Variants in XPNPEP1 observed in about 807,000 individuals in gnomAD.
XPNPEP1 encodes the protein X-prolyl aminopeptidase 1, also known as xaa-Pro aminopeptidase 1.
Under a neutral mutation model 92.4 loss-of-function variants are expected in XPNPEP1, and 39 were observed. The ratio of observed to expected loss-of-function variants is 0.42; its 90% CI spans 0.33 to 0.55. XPNPEP1 has a LOEUF of 0.55. XPNPEP1 is among the 20% of genes least tolerant of loss of function. XPNPEP1 has a pLI of 0.08. For missense variants in XPNPEP1, 654 were observed against 856.1 expected (o/e 0.76, Z 2.95); for synonymous variants, 307 against 299.4 (o/e 1.03, Z -0.26).
intron 8 of XPNPEP1, among the ~76,000 whole-genome samples, chr10:109,885,436 G>A (rs1024539861): frequency 2.0e-5 from 3 of 151,862 alleles, no homozygotes; most frequent in African/African-American, 4.8e-5. Flanking sequence ...TCTATCATGG[G>A]ATTGTGTTTT....
chr10:109,903,236 CT>C (rs757521813), intron 3 of XPNPEP1, among the ~76,000 whole-genome samples: 6 of 152,314 alleles, frequency 3.9e-5, no homozygotes, highest in South Asian at 2.1e-4. Context: ...ACCTTCAACT[CT>C]TAATTCAAGT....
chr10:109,874,444 A>G (rs556194518), intron 15 of XPNPEP1, among the ~76,000 whole-genome samples: 7 of 152,260 alleles, frequency 4.6e-5, no homozygotes, highest in Non-Finnish European at 1.0e-4. Flanking sequence ...TCCCTGACAT[A>G]GAAAGGATAA....
At chr10:109,873,703 T>A (rs2133367899) in intron 15 of XPNPEP1, 1 of 450,520 alleles carries the variant, frequency 2.2e-6, no homozygotes, top group East Asian at 3.8e-5. Flanking sequence ...ACATTATTCA[T>A]AATAGCCAGA....
intron 2 of XPNPEP1, among the ~76,000 whole-genome samples, chr10:109,909,890 C>T (rs1250875903): frequency 2.0e-5 from 3 of 152,170 alleles, no homozygotes; most frequent in Non-Finnish European, 4.4e-5. Context: ...AGCCCCCTGC[C>T]ACTATCTGCA....
chr10:109,897,807 C>T (rs909696661), intron 3 of XPNPEP1, among the ~76,000 whole-genome samples: 4 of 152,138 alleles, frequency 2.6e-5, no homozygotes, highest in African/African-American at 7.2e-5. Context: ...GCGCCCACCA[C>T]CACACCCAGC....
chr10:109,918,807 A>G (rs1346609855), intron 1 of XPNPEP1, among the ~76,000 whole-genome samples: 17 of 145,720 alleles, frequency 1.2e-4, no homozygotes, highest in African/African-American at 3.5e-4. Flanking sequence ...AGAGGAAGGA[A>G]AGGAAAGAAA....
At chr10:109,913,848 A>G (rs1006643885) in intron 2 of XPNPEP1, among the ~76,000 whole-genome samples, 1 of 152,228 alleles carries the variant, frequency 6.6e-6, no homozygotes, top group Non-Finnish European at 1.5e-5. Flanking sequence ...AAAAAGAAAA[A>G]GAAGTTATCT....
chr10:109,874,180 C>T (rs1403206202), intron 15 of XPNPEP1, among the ~76,000 whole-genome samples: 1 of 152,160 alleles, frequency 6.6e-6, no homozygotes, highest in Non-Finnish European at 1.5e-5. Flanking sequence ...AGTGTGAATG[C>T]AGGGATGGCT....
At chr10:109,879,494 T>C (rs568101062) in intron 12 of XPNPEP1, among the ~76,000 whole-genome samples, 217 of 150,522 alleles carry the variant, frequency 1.4e-3, no homozygotes, top group African/African-American at 5.2e-3. Context: ...CTCTTGAACC[T>C]GGGCAGCAGA....
At chr10:109,878,328 T>A in intron 12 of XPNPEP1, 1 of 357,834 alleles carries the variant, frequency 2.8e-6, no homozygotes, top group Non-Finnish European at 5.1e-6. Flanking sequence ...ATATCTAAGT[T>A]TAAAAATTCA....
chr10:109,923,108 G>C (rs1038019331), intron 1 of XPNPEP1: 30 of 962,656 alleles, frequency 3.1e-5, no homozygotes, highest in Non-Finnish European at 3.6e-5. Context: ...GAACTGTGAC[G>C]GCCGCCGCCC....
chr10:109,918,767 A>G (rs955410278), intron 1 of XPNPEP1, among the ~76,000 whole-genome samples: 3 of 151,082 alleles, frequency 2.0e-5, no homozygotes, highest in Admixed American at 1.3e-4. Context: ...GGAAAGAAAG[A>G]AAGGAAGACA....
intron 5 of XPNPEP1, among the ~76,000 whole-genome samples, chr10:109,889,004 C>T (rs1360808860): frequency 1.1e-4 from 17 of 152,188 alleles, no homozygotes; most frequent in Non-Finnish European, 2.1e-4. Flanking sequence ...AACTGGGAGA[C>T]TCCCACATAT....
At chr10:109,880,790 G>A (rs752269071) in intron 11 of XPNPEP1, 52 bp downstream of exon 11, 211 of 1,565,618 alleles carry the variant, frequency 1.3e-4, no homozygotes, top group Non-Finnish European at 1.7e-4. Context: ...TGAAGGAGCC[G>A]GGCCTTCTGA....
Position 109,877,832 on chromosome 10 carries a change from G to C in XPNPEP1, c.1277C>G (p.Thr426Arg). The C allele has an allele frequency of 6.2e-7, 1 of 1,614,256 alleles. No homozygotes were observed. ...QADFVDLSFP[T>R]ISSTGPNGAI... ...GCCGTTGGGTCCCGTACTGGAAATT[G>C]TTGGGAAGCTCAGGTCCACAAAGTC... Residue 426 changes from threonine to arginine, a missense_variant, in exon 14 of 21, where the codon ACA (threonine) becomes AGA (arginine). Physicochemically the swap from Thr to Arg is moderately conservative, Grantham distance 71. Transcript: ENST00000502935.
At chr10:109,880,122 T>C (rs1848008244) in intron 12 of XPNPEP1, 66 bp downstream of exon 12, 3 of 1,516,272 alleles carry the variant, frequency 2.0e-6, no homozygotes, top group Middle Eastern at 1.7e-4. Context: ...ATGCTAGAGT[T>C]AGAATCACAT....
chr10:109,888,190 A>C lies in XPNPEP1; in HGVS notation c.511T>G (p.Tyr171Asp). Residue 171 changes from tyrosine to aspartate, a missense_variant and splice_region_variant, in exon 7 of 21, where the codon TAT becomes GAT. Coordinates refer to ENST00000502935, the MANE Select transcript of XPNPEP1 (RefSeq NM_020383.4). The stretch of plus-strand genomic sequence containing the variant: ...AGAACTTTGGCCATTTTCTTCCAAT[A>C]ATCTGAGGAGACACATTGTGGCCCA... ...GVDPLIIPTD[Y>D]WKKMAKVLRS... 2 of 1,611,036 alleles carry C rather than the reference A, an allele frequency of 1.2e-6. No homozygotes were observed. Among genetic ancestry groups the C allele is most frequent in the East Asian group, 4.5e-5 (2 of 44,866 alleles).
intron 3 of XPNPEP1, among the ~76,000 whole-genome samples, chr10:109,900,262 G>A (rs115511304): frequency 0.012 from 1,881 of 152,154 alleles, 35 homozygotes; most frequent in African/African-American, 0.043. Context: ...CTCCCCAGCC[G>A]TAGGAGAAAC....
intron 2 of XPNPEP1, among the ~76,000 whole-genome samples, chr10:109,909,731 A>T (rs895198092): frequency 6.6e-6 from 1 of 152,260 alleles, no homozygotes; most frequent in African/African-American, 2.4e-5. Context: ...ATACTGGCAC[A>T]AAACTATACT....
Sources: gnomAD v4.1 joint callset for allele counts (sites outside exome capture counted in the v4.1 genomes callset) on GRCh38, gnomAD v4.1.1 for gene constraint, MANE v1.5 for transcripts, NCBI Gene and HGNC (gene_info 2026-07-23, HGNC 2026-07-21) for gene names.